MYRFL: variants seen among roughly 807,000 people sequenced by gnomAD.
The protein encoded by MYRFL is myelin regulatory factor like.
Under a neutral mutation model 109.4 loss-of-function variants are expected in MYRFL, and 88 were observed. The observed-to-expected ratio is 0.80, with a 90% CI of 0.68 to 0.96. The LOEUF (loss-of-function observed/expected upper bound fraction) is 0.96, where lower values mean the gene tolerates loss of function less well. MYRFL is among the 40% of genes least tolerant of loss of function. The pLI is 0.00. For missense variants in MYRFL, 957 were observed against 954.9 expected, an observed-to-expected ratio of 1.00 and a Z score of -0.03; for synonymous variants, 324 against 320.9, an observed-to-expected ratio of 1.01 and a Z score of -0.10.
chr12:69,934,217 C>T (rs74857517), intron 16 of MYRFL, among the ~76,000 whole-genome samples: 2,162 of 152,294 alleles, frequency 0.014, 68 homozygotes, highest in African/African-American at 0.05. Flanking sequence ...CTACTTGGCC[C>T]GCTGTGGTCA....
intron 1 of MYRFL, among the ~76,000 whole-genome samples, chr12:69,853,540 C>G (rs1292283821): frequency 7.2e-6 from 1 of 139,556 alleles, no homozygotes; most frequent in Non-Finnish European, 1.6e-5. Context: ...GAGGCGCTCC[C>G]CACATCTCAG....
chr12:69,926,805 A>G (rs1955099845), intron 14 of MYRFL, 71 bp downstream of exon 14: 1 of 1,234,288 alleles, frequency 8.1e-7, no homozygotes, highest in African/African-American at 1.5e-5. Flanking sequence ...AATAAGATCA[A>G]TCTAAATGGT....
At chr12:69,916,730 G>A (rs371459960) in intron 13 of MYRFL, among the ~76,000 whole-genome samples, 11 of 152,080 alleles carry the variant, frequency 7.2e-5, no homozygotes, top group South Asian at 2.1e-4. Context: ...TTTCTAACTC[G>A]TTTCCTAATG....
intron 2 of MYRFL, among the ~76,000 whole-genome samples, chr12:69,868,610 C>A (rs140806805): frequency 1.3e-5 from 2 of 152,316 alleles, no homozygotes; most frequent in Non-Finnish European, 2.9e-5. Context: ...TCTGCCAGCA[C>A]AGAGCTGGAG....
chr12:69,896,871 A>G (rs1954011556), intron 9 of MYRFL, among the ~76,000 whole-genome samples: 1 of 152,200 alleles, frequency 6.6e-6, no homozygotes, highest in South Asian at 2.1e-4. Flanking sequence ...CCCTCCTGGG[A>G]TGTCTCCGCA....
intron 7 of MYRFL, among the ~76,000 whole-genome samples, chr12:69,891,693 C>CTTTCTTTCTTTT (rs1566002958): frequency 2.0e-5 from 2 of 98,514 alleles, no homozygotes; most frequent in Non-Finnish European, 4.0e-5. Context: ...TTCGTTCGTT[C>CTTTCTTTCTTTT]GTTCTTTCTT....
chr12:69,944,539 T>G (rs1592887194), intron 19 of MYRFL, among the ~76,000 whole-genome samples: 14 of 93,782 alleles, frequency 1.5e-4, no homozygotes, highest in East Asian at 3.5e-4. Flanking sequence ...TGTTGTGGGG[T>G]TGGGGGAGGG....
chr12:69,882,210 C>T (rs1886164869), intron 5 of MYRFL, among the ~76,000 whole-genome samples: 1 of 151,998 alleles, frequency 6.6e-6, no homozygotes. Context: ...TTGTTTAAGT[C>T]CTATTCACAG....
At chr12:69,898,505 T>C (rs528193310) in intron 10 of MYRFL, among the ~76,000 whole-genome samples, 9 of 152,324 alleles carry the variant, frequency 5.9e-5, no homozygotes, top group Non-Finnish European at 1.3e-4. Context: ...CAGAGGTGCC[T>C]GTCCATCCCT....
chr12:69,852,550 G>A (rs1883934851), intron 1 of MYRFL, among the ~76,000 whole-genome samples: 1 of 144,594 alleles, frequency 6.9e-6, no homozygotes, highest in African/African-American at 2.5e-5. Context: ...TCAAAGGCTT[G>A]CAGGCAGGCT....
At chr12:69,885,476 A>G (rs932431647) in intron 5 of MYRFL, among the ~76,000 whole-genome samples, 2 of 152,188 alleles carry the variant, frequency 1.3e-5, no homozygotes, top group African/African-American at 2.4e-5. Context: ...GGCTAGGTGG[A>G]TACATTCAAT....
intron 15 of MYRFL, 58 bp from the exon 16 acceptor site, chr12:69,932,454 TC>T (rs1202268893): frequency 1.0e-5 from 12 of 1,164,236 alleles, no homozygotes; most frequent in Non-Finnish European, 1.5e-5. Context: ...TTCTCCAGGC[TC>T]CCTTCTCACA....
In MYRFL at chr12:69,936,576, C is replaced by T. The variant is rs35051828; in HGVS notation, c.2168C>T (p.Ser723Leu). The T allele has an allele frequency of 6.2e-3, 9,487 of 1,536,078 alleles. 498 individuals carry two copies. In the African/African-American group the frequency reaches 0.11, roughly 18 times the overall value. ...CPIRGMKEVS[S>L]SPVQRQSEEK... is the part of the protein sequence containing the mutation. ...ATCCGGGGAATGAAAGAAGTCTCTT[C>T]AAGTCCTGTGCAAAGACAATCTGAG... The change falls in exon 19 of 25, where the codon TCA becomes TTA. Residue 723 changes from serine to leucine, a missense_variant. By Grantham distance (145) the Ser-to-Leu change is moderately radical (BLOSUM62 -2). Transcript: ENST00000552032.
intron 16 of MYRFL, chr12:69,935,851 G>T (rs1461207181): frequency 4.3e-6 from 2 of 461,486 alleles, no homozygotes; most frequent in South Asian, 4.4e-5. Context: ...GCTTGCCAGG[G>T]CTGGGGGGCT....
chr12:69,874,263 A>T (rs936919224), intron 2 of MYRFL, among the ~76,000 whole-genome samples: 1 of 152,184 alleles, frequency 6.6e-6, no homozygotes, highest in East Asian at 1.9e-4. Flanking sequence ...CTCAAGCCTC[A>T]TTCTCCTGGG....
At chr12:69,861,592 G>A (rs1417900052) in intron 2 of MYRFL, among the ~76,000 whole-genome samples, 1 of 152,134 alleles carries the variant, frequency 6.6e-6, no homozygotes, top group African/African-American at 2.4e-5. Context: ...TTTTGATGGG[G>A]TTGTTTGTTT....
At chr12:69,890,701 C>T (rs1024199071) in intron 6 of MYRFL, among the ~76,000 whole-genome samples, 1 of 152,178 alleles carries the variant, frequency 6.6e-6, no homozygotes, top group Non-Finnish European at 1.5e-5. Context: ...TGCTACTGCA[C>T]TCCAGCTTAG....
chr12:69,935,814 C>T (rs1469221602), intron 16 of MYRFL: 2 of 394,212 alleles, frequency 5.1e-6, no homozygotes, highest in Non-Finnish European at 9.0e-6. Flanking sequence ...TTGTAATCTT[C>T]CACTAGTGAC....
At chr12:69,878,242 CAAA>C (rs60069243) in intron 2 of MYRFL, among the ~76,000 whole-genome samples, 6 of 112,712 alleles carry the variant, frequency 5.3e-5, no homozygotes, top group Non-Finnish European at 5.3e-5. Flanking sequence ...GACTCCATCT[CAAA>C]AAAAAAAAAA....
Sources: allele counts gnomAD v4.1 joint callset (sites outside exome capture counted in the v4.1 genomes callset), GRCh38; gene constraint gnomAD v4.1.1; transcripts MANE v1.5; gene names NCBI Gene and HGNC (gene_info 2026-07-23, HGNC 2026-07-21).